CSMD1: variants seen among roughly 807,000 people sequenced by gnomAD.
CSMD1 encodes CUB and sushi domain-containing protein 1.
In CSMD1, 213 loss-of-function variants were observed where a neutral mutation model predicts 417.5. The ratio of observed to expected loss-of-function variants is 0.51; its 90% CI spans 0.46 to 0.57. The LOEUF (loss-of-function observed/expected upper bound fraction) is 0.57, where lower values mean the gene tolerates loss of function less well. Among genes scored for constraint, CSMD1 ranks in the 20% least tolerant of loss-of-function variants. The probability of loss-of-function intolerance (pLI) is 0.00; values close to 1 mark genes in which losing one functional copy is unlikely to be tolerated. For missense variants in CSMD1, 6,923 were observed against 4,529.7 expected, an observed-to-expected ratio of 1.53 and a Z score of -15.17; for synonymous variants, 2,862 against 1,736.8, an observed-to-expected ratio of 1.65 and a Z score of -16.11.
At chr8:3,089,823 G>A (rs1369011010) in intron 48 of CSMD1, among the ~76,000 whole-genome samples, 1 of 151,964 alleles carries the variant, frequency 6.6e-6, no homozygotes, top group Non-Finnish European at 1.5e-5. Context: ...TTAACAATGA[G>A]GCTCTCCTTG....
chr8:4,475,631 C>A (rs4875105), intron 2 of CSMD1, among the ~76,000 whole-genome samples: 58,860 of 151,174 alleles, frequency 0.39, 13,733 homozygotes, highest in Non-Finnish European at 0.51. Context: ...TTTTTCTTTT[C>A]TTCGAGACGG....
At chr8:4,430,932 A>C (rs1356466600) in intron 2 of CSMD1, among the ~76,000 whole-genome samples, 1 of 152,144 alleles carries the variant, frequency 6.6e-6, no homozygotes, top group Non-Finnish European at 1.5e-5. Flanking sequence ...TAACAGTGTA[A>C]AATTCACTAC....
intron 1 of CSMD1, among the ~76,000 whole-genome samples, chr8:4,908,257 G>A (rs1240751267): frequency 6.6e-6 from 1 of 152,162 alleles, no homozygotes; most frequent in East Asian, 1.9e-4. Context: ...GTAGGGTAAA[G>A]TATTCCTTCC....
chr8:3,207,046 C>T (rs10086891), intron 30 of CSMD1, among the ~76,000 whole-genome samples: 111,413 of 151,894 alleles, frequency 0.73, 41,032 homozygotes, highest in Non-Finnish European at 0.76. Flanking sequence ...TTGGATATAC[C>T]GCCACTGATT....
At chr8:3,525,581 G>C (rs559346421) in intron 10 of CSMD1, among the ~76,000 whole-genome samples, 1 of 152,228 alleles carries the variant, frequency 6.6e-6, no homozygotes, top group East Asian at 1.9e-4. Flanking sequence ...AACAAGCAGA[G>C]GGATAAGTCT....
At chr8:3,057,867 A>G (rs1459381810) in intron 49 of CSMD1, among the ~76,000 whole-genome samples, 1 of 152,206 alleles carries the variant, frequency 6.6e-6, no homozygotes, top group Non-Finnish European at 1.5e-5. Context: ...AAAAATTTAT[A>G]GTGGTTCCTT....
intron 2 of CSMD1, among the ~76,000 whole-genome samples, chr8:4,605,048 A>G (rs867641407): frequency 6.6e-6 from 1 of 152,200 alleles, no homozygotes; most frequent in African/African-American, 2.4e-5. Flanking sequence ...GCTGGCCACC[A>G]AAGTCCTATC....
At chr8:4,757,130 C>T (rs1811716300) in intron 1 of CSMD1, among the ~76,000 whole-genome samples, 1 of 152,208 alleles carries the variant, frequency 6.6e-6, no homozygotes, top group South Asian at 2.1e-4. Flanking sequence ...CACATTAGTA[C>T]TGAGAATAGA....
intron 1 of CSMD1, among the ~76,000 whole-genome samples, chr8:4,921,666 G>C: frequency 6.6e-6 from 1 of 152,178 alleles, no homozygotes; most frequent in Admixed American, 6.5e-5. Context: ...CAGAAGTGAT[G>C]GGTGTGTGTG....
At chr8:4,243,665 T>A (rs908767181) in intron 3 of CSMD1, among the ~76,000 whole-genome samples, 1 of 152,128 alleles carries the variant, frequency 6.6e-6, no homozygotes, top group Non-Finnish European at 1.5e-5. Context: ...ATGTGTGATA[T>A]TGCAACTTAA....
chr8:2,949,156 T>G, intron 68 of CSMD1, 143 bp downstream of exon 68: 1 of 554,848 alleles, frequency 1.8e-6, no homozygotes, highest in Non-Finnish European at 3.2e-6. Flanking sequence ...TAATTTTTTT[T>G]CATTCAGCTG....
At chr8:4,003,811 CG>C (rs1467274567) in intron 4 of CSMD1, among the ~76,000 whole-genome samples, 3 of 151,024 alleles carry the variant, frequency 2.0e-5, no homozygotes, top group Admixed American at 6.6e-5. Flanking sequence ...GTATATTGTA[CG>C]TGTCTGATAT....
chr8:4,204,255 C>T (rs1409127027), intron 3 of CSMD1, among the ~76,000 whole-genome samples: 1 of 150,492 alleles, frequency 6.6e-6, no homozygotes, highest in African/African-American at 2.4e-5. Flanking sequence ...CCCATTTATG[C>T]AATGCTAGGA....
At chr8:3,287,664 C>G (rs892089625) in intron 25 of CSMD1, among the ~76,000 whole-genome samples, 2 of 152,168 alleles carry the variant, frequency 1.3e-5, no homozygotes, top group South Asian at 2.1e-4. Context: ...TATCCTGAGA[C>G]TTTGCTGAAG....
intron 1 of CSMD1, among the ~76,000 whole-genome samples, chr8:4,774,013 T>A (rs1796725776): frequency 6.6e-6 from 1 of 152,034 alleles, no homozygotes; most frequent in Admixed American, 6.6e-5. Context: ...CTGGCCAACA[T>A]GGTGAAACCC....
intron 3 of CSMD1, among the ~76,000 whole-genome samples, chr8:4,351,119 G>C (rs899158576): frequency 4.6e-5 from 7 of 151,106 alleles, no homozygotes; most frequent in South Asian, 2.1e-4. Flanking sequence ...AGGGGTTCGA[G>C]ACCAGTCCGG....
intron 3 of CSMD1, among the ~76,000 whole-genome samples, chr8:4,228,540 C>A (rs188854156): frequency 1.2e-4 from 18 of 151,968 alleles, no homozygotes; most frequent in Non-Finnish European, 2.6e-4. Context: ...CTTCTACAAC[C>A]CACTGGCTGT....
chr8:3,443,951 G>C (rs1051606295), intron 12 of CSMD1, among the ~76,000 whole-genome samples: 2 of 152,138 alleles, frequency 1.3e-5, no homozygotes, highest in Admixed American at 6.6e-5. Flanking sequence ...GAGTTACTGA[G>C]AGCGGGGACA....
chr8:4,105,740 C>G (rs767232612), intron 3 of CSMD1, among the ~76,000 whole-genome samples: 1 of 152,184 alleles, frequency 6.6e-6, no homozygotes, highest in Non-Finnish European at 1.5e-5. Flanking sequence ...CTTTCTGGAT[C>G]GTAGTAAACA....
Sources: gnomAD v4.1 joint callset for allele counts (sites outside exome capture counted in the v4.1 genomes callset) on GRCh38, gnomAD v4.1.1 for gene constraint, MANE v1.5 for transcripts, NCBI Gene and HGNC (gene_info 2026-07-23, HGNC 2026-07-21) for gene names.